STAG1: variants seen among roughly 807,000 people sequenced by gnomAD.
STAG1 encodes the protein cohesin subunit SA-1.
In STAG1, 26 loss-of-function variants were observed where a neutral mutation model predicts 170.9. The observed-to-expected ratio is 0.15, with a 90% CI of 0.11 to 0.21. The LOEUF (loss-of-function observed/expected upper bound fraction) is 0.21. Ranked by LOEUF, STAG1 falls within the 10% of genes least tolerant of loss-of-function variation. The pLI is 1.00. For missense variants in STAG1, 964 were observed against 1,509.5 expected, an observed-to-expected ratio of 0.64 and a Z score of 5.99; for synonymous variants, 514 against 497.7, an observed-to-expected ratio of 1.03 and a Z score of -0.44.
intron 13 of STAG1, among the ~76,000 whole-genome samples, chr3:136,463,828 TATAC>T (rs1559817659): frequency 6.9e-6 from 1 of 145,340 alleles, no homozygotes; most frequent in Non-Finnish European, 1.5e-5. Context: ...TATATTCATA[TATAC>T]ATATATACAT....
intron 7 of STAG1, among the ~76,000 whole-genome samples, chr3:136,519,130 C>T (rs1165326013): frequency 6.6e-6 from 1 of 152,060 alleles, no homozygotes; most frequent in African/African-American, 2.4e-5. Flanking sequence ...AGGACAAATG[C>T]AAATGAGTTA....
At chr3:136,613,911 T>A (rs1161537609) in intron 3 of STAG1, among the ~76,000 whole-genome samples, 2 of 152,162 alleles carry the variant, frequency 1.3e-5, no homozygotes, top group Non-Finnish European at 2.9e-5. Context: ...TCCCCAAACA[T>A]GGCTTTCAAA....
chr3:136,668,856 G>C (rs1262818122), intron 1 of STAG1, among the ~76,000 whole-genome samples: 2 of 152,160 alleles, frequency 1.3e-5, no homozygotes, highest in Non-Finnish European at 2.9e-5. Flanking sequence ...AAGGGAGATC[G>C]AAGCAAAACA....
Position 136,534,802 on chromosome 3 carries a change from T to A in STAG1, c.471+7317A>T, listed in dbSNP as rs139768367. ...AACTTCTATACACTGTTGGTGGGAATGTAAATTAGTACAACCACCATGGAA... is the reference window on the plus strand; with the variant it reads ...AACTTCTATACACTGTTGGTGGGAAAGTAAATTAGTACAACCACCATGGAA... On this transcript the variant is annotated intron_variant, in intron 6 of 33. Transcript: ENST00000383202. 1.2e-4 allele frequency among the ~76,000 whole-genome samples: 19 copies of A among 152,280 alleles called. No individual in the cohort carries two copies. In the East Asian group the frequency reaches 3.1e-3, roughly 25 times the overall value.
At chr3:136,379,222 C>G (rs536135003) in intron 22 of STAG1, among the ~76,000 whole-genome samples, 5 of 152,124 alleles carry the variant, frequency 3.3e-5, no homozygotes, top group East Asian at 1.9e-4. Flanking sequence ...GATAAGAGAA[C>G]AGGCAACTGC....
intron 7 of STAG1, among the ~76,000 whole-genome samples, chr3:136,520,256 T>G (rs1034735895): frequency 1.3e-5 from 2 of 152,136 alleles, no homozygotes; most frequent in African/African-American, 2.4e-5. Flanking sequence ...ACAAGCTCTG[T>G]AGGTGATTCT....
At chr3:136,495,764 C>A (rs1933048456) in intron 9 of STAG1, among the ~76,000 whole-genome samples, 1 of 150,976 alleles carries the variant, frequency 6.6e-6, no homozygotes, top group African/African-American at 2.4e-5. Flanking sequence ...GTCAAGAGAT[C>A]AAGACCATCC....
chr3:136,498,233 T>TATATATACAC, intron 9 of STAG1, among the ~76,000 whole-genome samples: 10 of 57,490 alleles, frequency 1.7e-4, no homozygotes, highest in Admixed American at 2.2e-4. Flanking sequence ...TATATATATA[T>TATATATACAC]ACACATACAT....
chr3:136,596,985 G>T (rs1008372596), intron 4 of STAG1, among the ~76,000 whole-genome samples: 1 of 152,168 alleles, frequency 6.6e-6, no homozygotes, highest in Admixed American at 6.6e-5. Context: ...TGAGGCACAA[G>T]AATCACTTGA....
chr3:136,492,325 G>T (rs912491090), intron 9 of STAG1, among the ~76,000 whole-genome samples: 1 of 152,178 alleles, frequency 6.6e-6, no homozygotes, highest in Non-Finnish European at 1.5e-5. Flanking sequence ...AATCAACATT[G>T]TAACAGTAAG....
intron 11 of STAG1, among the ~76,000 whole-genome samples, chr3:136,472,880 G>A (rs2089660856): frequency 6.6e-6 from 1 of 152,108 alleles, no homozygotes; most frequent in African/African-American, 2.4e-5. Flanking sequence ...TTTATTTAAA[G>A]AACATGTAGT....
Position 136,502,760 on chromosome 3 carries a change from A to G in STAG1, c.696T>C (p.Ala232=). The G allele has an allele frequency of 6.2e-7, 1 of 1,603,248 alleles. No individual in the cohort carries two copies. Among genetic ancestry groups the G allele is most frequent in the Non-Finnish European group, 8.5e-7 (1 of 1,176,020 alleles). Residue 232 remains alanine (A), a synonymous_variant, in exon 8 of 34, where the codon GCT becomes GCC. Coordinates refer to ENST00000383202, the MANE Select transcript of STAG1 (RefSeq NM_005862.3). ...TGAGGTTTAAGGCAACATTCACCAG[A>G]GCAGTCATGAGCTTCATGGCTATGA... ...STLAAMKLMT[A]LVNVALNLSI... is the part of the protein sequence containing the mutation.
intron 6 of STAG1, among the ~76,000 whole-genome samples, chr3:136,527,933 T>C (rs992152441): frequency 6.6e-6 from 1 of 152,186 alleles, no homozygotes; most frequent in African/African-American, 2.4e-5. Context: ...GCCACCTGAT[T>C]GTTCCTCGGG....
chr3:136,464,832 G>A (rs773921606), intron 13 of STAG1, 49 bp downstream of exon 13: 5 of 1,484,608 alleles, frequency 3.4e-6, no homozygotes, highest in Non-Finnish European at 4.6e-6. Flanking sequence ...AAAACAACAA[G>A]AAAACAACAT....
intron 3 of STAG1, among the ~76,000 whole-genome samples, chr3:136,604,889 A>G (rs1408045979): frequency 6.6e-6 from 1 of 152,136 alleles, no homozygotes; most frequent in Non-Finnish European, 1.5e-5. Context: ...ACCTCAAATG[A>G]TTCGCCCACC....
At chr3:136,676,238 A>AGTT (rs1210228286) in intron 1 of STAG1, among the ~76,000 whole-genome samples, 22 of 152,246 alleles carry the variant, frequency 1.4e-4, no homozygotes, top group Admixed American at 5.9e-4. Context: ...TGAAGGCCTA[A>AGTT]GACATTACTG....
intron 1 of STAG1, among the ~76,000 whole-genome samples, chr3:136,634,549 T>C (rs866699565): frequency 1.4e-5 from 2 of 144,848 alleles, no homozygotes; most frequent in Non-Finnish European, 3.0e-5. Context: ...TATATCAAAA[T>C]GTATGGGATG....
intron 5 of STAG1, among the ~76,000 whole-genome samples, chr3:136,550,509 G>A (rs1462756544): frequency 2.6e-5 from 4 of 151,900 alleles, no homozygotes; most frequent in South Asian, 2.1e-4. Flanking sequence ...GGGTTTCACC[G>A]TGTTAGCCAG....
At chr3:136,395,061 G>T (rs1013486896) in intron 22 of STAG1, among the ~76,000 whole-genome samples, 1 of 151,736 alleles carries the variant, frequency 6.6e-6, no homozygotes, top group African/African-American at 2.4e-5. Flanking sequence ...ACAGTGAGCC[G>T]TGACAGTGGG....
Sources: allele counts gnomAD v4.1 joint callset (sites outside exome capture counted in the v4.1 genomes callset), GRCh38; gene constraint gnomAD v4.1.1; transcripts MANE v1.5; gene names NCBI Gene and HGNC (gene_info 2026-07-23, HGNC 2026-07-21).